The following LRRIQ1 variants were observed in gnomAD, a reference collection of about 807,000 sequenced individuals.
The protein encoded by LRRIQ1 is leucine rich repeats and IQ motif containing 1, also known as leucine-rich repeat- and IQ domain-containing protein 1.
In LRRIQ1, 210 loss-of-function variants were observed where a neutral mutation model predicts 211.9. The ratio of observed to expected loss-of-function variants is 0.99; its 90% CI spans 0.89 to 1.11. The LOEUF (loss-of-function observed/expected upper bound fraction) is 1.11, where lower values mean the gene tolerates loss of function less well. Ranked by LOEUF, LRRIQ1 falls within the 50% of genes most tolerant of loss-of-function variation. The probability of loss-of-function intolerance (pLI) is 0.00; values close to 1 mark genes in which losing one functional copy is unlikely to be tolerated. For synonymous variants in LRRIQ1, 699 were observed against 650.1 expected (o/e 1.08, Z -1.14); for missense variants, 2,136 against 1,939.5 (o/e 1.10, Z -1.90).
Position 85,040,491 on chromosome 12 carries a change from A to G in LRRIQ1, c.134A>G (p.Asp45Gly). The G allele has an allele frequency of 6.6e-7, 1 of 1,525,562 alleles. No individual in the cohort carries two copies. The highest frequency in any genetic ancestry group is 8.8e-7 in the Non-Finnish European group (1 of 1,130,578). 94.5% of individuals were successfully genotyped at this position (1,525,562 alleles called of 1,614,324 possible). The change falls in exon 3 of 27, where the codon GAT (aspartate) becomes GGT (glycine). Residue 45 changes from aspartate to glycine, a missense_variant and splice_region_variant. Coordinates refer to ENST00000393217, the MANE Select transcript of LRRIQ1 (RefSeq NM_001079910.2). The stretch of plus-strand genomic sequence containing the variant: ...TTCTTGTATTATTCAAATTTTTAGG[A>G]TTCAGTTGAATTACCAGAATCAGTT... ...SETQSDDSDT[D>G]SVELPESVLH...
chr12:85,208,721 G>T (rs1007161680), intron 24 of LRRIQ1, among the ~76,000 whole-genome samples: 2 of 152,060 alleles, frequency 1.3e-5, no homozygotes, highest in African/African-American at 4.8e-5. Context: ...AAGAAAATTA[G>T]AACTACGGAC....
chr12:85,231,350 G>A (rs1360981204), intron 25 of LRRIQ1, among the ~76,000 whole-genome samples: 2 of 152,148 alleles, frequency 1.3e-5, no homozygotes, highest in Non-Finnish European at 2.9e-5. Context: ...AGATTGTAAT[G>A]TGAACAGAAA....
chr12:85,192,422 T>TTATATATATTTATATA (rs1892572626), intron 24 of LRRIQ1, among the ~76,000 whole-genome samples: 6 of 132,382 alleles, frequency 4.5e-5, no homozygotes, highest in Non-Finnish European at 7.8e-5. Flanking sequence ...TTATATACAT[T>TTATATATATTTATATA]TATATATATT....
intron 8 of LRRIQ1, among the ~76,000 whole-genome samples, chr12:85,065,046 G>C (rs1592725952): frequency 6.6e-6 from 1 of 151,894 alleles, no homozygotes; most frequent in South Asian, 2.1e-4. Context: ...CTTTGGACTT[G>C]AATTTGTCAT....
At position 85,124,076 on chromosome 12, in the gene LRRIQ1, A is replaced by G. The variant is rs1039887488; in HGVS notation, c.3564A>G (p.Val1188=). Residue 1188 remains valine, a synonymous_variant, in exon 17 of 27, where the codon GTA becomes GTG. Coordinates refer to ENST00000393217, the MANE Select transcript of LRRIQ1 (RefSeq NM_001079910.2). The part of the protein sequence containing the change: ...IENYITGKGD[V]FTLDTAENLC... ...TCATCATTTATTTGTTCAGAGATGT[A>G]TTTACCTTGGATACTGCAGAAAATC... is the stretch of plus-strand genomic sequence containing the variant. 2 of 1,601,762 alleles carry G rather than the reference A, an allele frequency of 1.2e-6. No individual in the cohort carries two copies. Among genetic ancestry groups the G allele is most frequent in the Non-Finnish European group, 1.7e-6 (2 of 1,169,396 alleles).
At chr12:85,258,456 G>A (rs1896188436) in intron 1 of LRRIQ1, among the ~76,000 whole-genome samples, 1 of 151,754 alleles carries the variant, frequency 6.6e-6, no homozygotes, top group African/African-American at 2.4e-5. Flanking sequence ...ATTACGTTGA[G>A]GAAATCCAAA....
intron 24 of LRRIQ1, among the ~76,000 whole-genome samples, chr12:85,168,214 G>T (rs1476942814): frequency 6.6e-6 from 1 of 152,064 alleles, no homozygotes; most frequent in Admixed American, 6.6e-5. Context: ...TGAAGGGGCT[G>T]GGCCATTTGT....
At chr12:85,108,230 A>G (rs546685786) in intron 15 of LRRIQ1, among the ~76,000 whole-genome samples, 1 of 152,300 alleles carries the variant, frequency 6.6e-6, no homozygotes, top group East Asian at 1.9e-4. Context: ...CTTGCTTTTA[A>G]GTTCTGTTAG....
chr12:85,216,172 C>T (rs1056311805), intron 24 of LRRIQ1, among the ~76,000 whole-genome samples: 1 of 152,084 alleles, frequency 6.6e-6, no homozygotes, highest in Non-Finnish European at 1.5e-5. Flanking sequence ...CCCTCTCCTA[C>T]CCCCGCACCC....
At chr12:85,071,444 A>G (rs1883073029) in intron 10 of LRRIQ1, among the ~76,000 whole-genome samples, 1 of 151,938 alleles carries the variant, frequency 6.6e-6, no homozygotes, top group South Asian at 2.1e-4. Context: ...TTGCTGATGG[A>G]TATTGAATGG....
At chr12:85,101,456 T>G (rs1394655967) in intron 13 of LRRIQ1, among the ~76,000 whole-genome samples, 1 of 151,792 alleles carries the variant, frequency 6.6e-6, no homozygotes, top group Non-Finnish European at 1.5e-5. Context: ...CATTGGCTGT[T>G]CATTGTACAA....
At chr12:85,162,680 T>C (rs536968320) in intron 24 of LRRIQ1, 1 of 436,568 alleles carries the variant, frequency 2.3e-6, no homozygotes, top group African/African-American at 2.0e-5. Flanking sequence ...AGTGATAAAT[T>C]CAAAGTGGCC....
intron 24 of LRRIQ1, among the ~76,000 whole-genome samples, chr12:85,206,615 A>C (rs931663822): frequency 1.3e-5 from 2 of 152,080 alleles, no homozygotes; most frequent in Non-Finnish European, 2.9e-5. Context: ...GATTGCTAGC[A>C]AAGTGGCACA....
At chr12:85,257,968 A>G (rs886611620) in intron 1 of LRRIQ1, among the ~76,000 whole-genome samples, 2 of 151,894 alleles carry the variant, frequency 1.3e-5, no homozygotes, top group Admixed American at 6.6e-5. Context: ...AGTGCATATT[A>G]TAAGGCAGCC....
intron 1 of LRRIQ1, among the ~76,000 whole-genome samples, chr12:85,254,675 T>A (rs1565930378): frequency 3.3e-5 from 5 of 152,084 alleles, no homozygotes. Flanking sequence ...AGTTATATAT[T>A]TCTGATGTAT....
At chr12:85,217,726 A>ATATATATGTATATATATGTAACTG (rs143541341) in intron 24 of LRRIQ1, among the ~76,000 whole-genome samples, 2 of 144,096 alleles carry the variant, frequency 1.4e-5, no homozygotes, top group African/African-American at 5.4e-5. Flanking sequence ...ATATGTATAT[A>ATATATATGTATATATATGTAACTG]TGTGTATATA....
rs764361643 is a variant in LRRIQ1, at chr12:85,066,908, A to G, written c.2695+10A>G. 2 of 1,365,128 alleles carry G rather than the reference A, an allele frequency of 1.5e-6. No homozygotes were observed. The highest frequency in any genetic ancestry group is 2.4e-5 in the Admixed American group (1 of 41,472). 84.6% of individuals were successfully genotyped at this position (1,365,128 alleles called of 1,614,324 possible). The stretch of plus-strand genomic sequence containing the variant: ...AAAATTACTCGAATTGGTAAGAACA[A>G]TGAAATTTTAATATTTAAAGATATA... On this transcript the variant is annotated intron_variant, in intron 10 of 26. Transcript: ENST00000393217.
At chr12:85,240,267 C>G (rs533947947) in intron 26 of LRRIQ1, among the ~76,000 whole-genome samples, 2 of 152,266 alleles carry the variant, frequency 1.3e-5, no homozygotes, top group South Asian at 2.1e-4. Flanking sequence ...TAATACCACT[C>G]TACCCCATTA....
chr12:85,072,960 C>G lies in LRRIQ1; in HGVS notation c.2749C>G (p.His917Asp), dbSNP rs745802065. 5 of 1,612,428 alleles carry G rather than the reference C, an allele frequency of 3.1e-6. No homozygotes were observed. In the South Asian group the frequency reaches 5.5e-5, roughly 18 times the overall value. Reference protein sequence around the residue: ...KLVDNAGFCHHLGTSTSYLSL... With the variant: ...KLVDNAGFCHDLGTSTSYLSL... ...TGTTGACAATGCAGGGTTCTGCCAT[C>G]ACTTGGGCACCTCCACTTCTTACTT... The change falls in exon 11 of 27, where the codon CAC (histidine) becomes GAC (aspartate). Residue 917 changes from histidine (H) to aspartate (D), a missense_variant. Physicochemically the swap from His to Asp is moderately conservative, Grantham distance 81 (BLOSUM62 -1). Coordinates refer to ENST00000393217, the MANE Select transcript of LRRIQ1 (RefSeq NM_001079910.2).
Sources: allele counts gnomAD v4.1 joint callset (sites outside exome capture counted in the v4.1 genomes callset), GRCh38; gene constraint gnomAD v4.1.1; transcripts MANE v1.5; gene names NCBI Gene and HGNC (gene_info 2026-07-23, HGNC 2026-07-21).